The following MUS81 variants were observed in gnomAD, a reference collection of about 807,000 sequenced individuals.
MUS81 encodes the protein structure-specific endonuclease subunit MUS81.
MUS81 carries 69 observed loss-of-function variants against 74.2 expected under a neutral mutation model. The observed-to-expected ratio is 0.93, with a 90% CI of 0.77 to 1.14. MUS81 has a LOEUF of 1.14. Ranked by LOEUF, MUS81 falls within the 50% of genes most tolerant of loss-of-function variation. The pLI, the probability that MUS81 is intolerant of heterozygous loss-of-function variation, is 0.00. For missense variants in MUS81, 711 were observed against 726.5 expected, an observed-to-expected ratio of 0.98 and a Z score of 0.25; for synonymous variants, 303 against 300.6, an observed-to-expected ratio of 1.01 and a Z score of -0.08.
rs777330433 is a variant in MUS81 at position 65,866,024 on chromosome 11, T to C, written c.1628T>C (p.Leu543Pro). 5.0e-6 allele frequency: 8 copies of C among 1,613,860 alleles called. No homozygotes were observed. The South Asian group carries it at 8.8e-5, about 18-fold the overall frequency. Residue 543 changes from leucine to proline, a missense_variant, in exon 16 of 16, where the codon CTC (leucine) becomes CCC (proline). Leu to Pro is a moderately conservative substitution (Grantham distance 98). Transcript: ENST00000308110. ...GPALSRTLSQLYCSYGPLT is the reference protein window; with the variant it reads ...GPALSRTLSQPYCSYGPLT ...GCTCTGAGCAGGACCTTATCCCAGC[T>C]CTACTGCAGCTACGGCCCCTTGACC...
rs760458484 is a variant in MUS81, at chr11:65,860,976, C to G, written c.139C>G (p.Leu47Val). The G allele has an allele frequency of 1.9e-6, 3 of 1,611,918 alleles. No individual in the cohort carries two copies. Among genetic ancestry groups the G allele is most frequent in the Non-Finnish European group, 1.7e-6 (2 of 1,179,592 alleles). ...RRTRFVFQKA[L>V]RSLRRYPLPL... ...TACCCTACCCCTGCCCGGCCAGGCGCTGCGTTCCCTCCGACGGTACCCACT... is the reference window on the plus strand; with the variant it reads ...TACCCTACCCCTGCCCGGCCAGGCGGTGCGTTCCCTCCGACGGTACCCACT... The change falls in exon 2 of 16, where the codon CTG becomes GTG. Residue 47 changes from leucine to valine, a missense_variant. By Grantham distance (32) the Leu-to-Val change is conservative. Transcript: ENST00000308110.
chr11:65,860,263 A>T (rs763127971), upstream of MUS81: 1 of 456,760 alleles, frequency 2.2e-6, no homozygotes, highest in East Asian at 6.9e-5. Context: ...ACCAGTCTCC[A>T]TCTCCAGCCT....
rs202095537 is a variant in MUS81 at position 65,865,104 on chromosome 11, C to T, written c.1360C>T (p.Leu454Phe). The change falls in exon 13 of 16, where the codon CTC (leucine) becomes TTC (phenylalanine). Residue 454 changes from leucine to phenylalanine, a missense_variant. Coordinates refer to ENST00000308110, the MANE Select transcript of MUS81 (RefSeq NM_025128.5). Reference sequence around the variant, plus strand: ...CTCTCCAAACCCTCTCTGCTCACTCCTCACCTTCAGTGACTTCAACGCAGG... The same window carrying T: ...CTCTCCAAACCCTCTCTGCTCACTCTTCACCTTCAGTGACTTCAACGCAGG... The part of the protein sequence containing the change: ...MTSPNPLCSL[L>F]TFSDFNAGAI... 26 of 1,614,216 alleles carry T rather than the reference C, an allele frequency of 1.6e-5. No homozygotes were observed. In the Admixed American group the frequency reaches 2.5e-4, roughly 16 times the overall value.
At chr11:65,865,504 C>T in intron 14 of MUS81, 181 bp downstream of exon 14, 1 of 681,910 alleles carries the variant, frequency 1.5e-6, no homozygotes, top group East Asian at 2.7e-5. Flanking sequence ...CACATAGTGT[C>T]CCAGGTAGTG....
downstream of MUS81, chr11:65,867,550 G>GC (rs1859876020): frequency 2.1e-6 from 1 of 473,892 alleles, no homozygotes; most frequent in African/African-American, 2.0e-5. Context: ...AGATCCACTA[G>GC]CAAGGAGTGG....
chr11:65,861,895 T>A (rs1187450133), intron 3 of MUS81, 52 bp from the exon 4 acceptor site: 5 of 1,463,360 alleles, frequency 3.4e-6, no homozygotes, highest in Non-Finnish European at 4.7e-6. Flanking sequence ...TGGGGACTTA[T>A]TCAAAGATGA....
intron 10 of MUS81, chr11:65,864,249 T>C (rs2134735453): frequency 3.4e-6 from 2 of 588,268 alleles, no homozygotes; most frequent in East Asian, 5.7e-5. Flanking sequence ...ACAGAGGCCA[T>C]GTGCCGGCCC....
rs945655978 is a variant in MUS81 at position 65,865,295 on chromosome 11, C to T, written c.1477C>T (p.Leu493=). 5.6e-6 allele frequency: 9 copies of T among 1,613,974 alleles called. No homozygotes were observed. In the Admixed American group the frequency reaches 6.7e-5, roughly 12 times the overall value. Residue 493 remains leucine (L), a synonymous_variant, in exon 14 of 16, where the codon CTG becomes TTG. Coordinates refer to ENST00000308110, the MANE Select transcript of MUS81 (RefSeq NM_025128.5). ...AGTGAGTGGGGAGAAGGCAGCAGCC[C>T]TGGTGGATCGATACAGCACCCCTGC... The part of the protein sequence containing the change: ...RGVSGEKAAA[L]VDRYSTPASL...
Position 65,863,512 on chromosome 11 carries a change from G to A in MUS81, c.839+10G>A, listed in dbSNP as rs2134732524. On this transcript the variant is annotated intron_variant, in intron 8 of 15. Coordinates refer to ENST00000308110, the MANE Select transcript of MUS81 (RefSeq NM_025128.5). ...TTGGCGAGACCCGGGGGTGAGTGAG[G>A]TGGGGAGAAACGAGGGAGATGATCA... is the stretch of plus-strand genomic sequence containing the variant. 2.5e-6 allele frequency: 4 copies of A among 1,614,178 alleles called. No individual in the cohort carries two copies. The South Asian group carries it at 4.4e-5, about 18-fold the overall frequency.
chr11:65,862,603 T>C (rs756801065), intron 6 of MUS81, 74 bp downstream of exon 6: 3 of 1,300,682 alleles, frequency 2.3e-6, no homozygotes, highest in Non-Finnish European at 2.2e-6. Flanking sequence ...ACCCAACAAC[T>C]CCCAGAGCTG....
chr11:65,861,630 A>G (rs1423915664), intron 3 of MUS81, 195 bp downstream of exon 3: 8 of 609,960 alleles, frequency 1.3e-5, no homozygotes, highest in Admixed American at 1.2e-4. Flanking sequence ...AGAGAATTCC[A>G]TGATCAAGCT....
At position 65,866,161 on chromosome 11, in the gene MUS81, A is replaced by C; in HGVS notation, c.*109A>C. 1 of 1,081,690 alleles carries C rather than the reference A, an allele frequency of 9.2e-7. No homozygotes were observed. The highest frequency in any genetic ancestry group is 1.5e-5 in the South Asian group (1 of 65,094). The allele number at this position is 1,081,690 out of a possible 1,614,324, so 67.0% of individuals were successfully genotyped here. On this transcript the variant is annotated 3_prime_UTR_variant, in exon 16 of 16. Transcript: ENST00000308110. Reference sequence around the variant, plus strand: ...AATTAGAATCTAAGTGTTTGCAGCCATATGTGTCATGTAGAAGATGCCTAG... The same window carrying C: ...AATTAGAATCTAAGTGTTTGCAGCCCTATGTGTCATGTAGAAGATGCCTAG...
At chr11:65,862,631 G>GA (rs1168855334) in intron 6 of MUS81, 102 bp downstream of exon 6, 29 of 1,118,094 alleles carry the variant, frequency 2.6e-5, no homozygotes, top group Middle Eastern at 2.0e-4. Context: ...TGAGATTGGG[G>GA]GGGGTGGGCC....
chr11:65,864,481 C>G lies in MUS81; in HGVS notation c.1060-16C>G, dbSNP rs755127236. 30 of 1,608,608 alleles carry G rather than the reference C, an allele frequency of 1.9e-5. No individual in the cohort carries two copies. The highest frequency in any genetic ancestry group is 2.6e-5 in the Non-Finnish European group (30 of 1,175,062). On this transcript the variant is annotated splice_polypyrimidine_tract_variant and intron_variant, in intron 10 of 15. Coordinates refer to ENST00000308110, the MANE Select transcript of MUS81 (RefSeq NM_025128.5). The stretch of plus-strand genomic sequence containing the variant: ...TCCAGCCTGACCCTCCCTGTCCACT[C>G]TGTACACTTCCCTAGTTCCGGCTGA...
chr11:65,864,699 C>T, intron 11 of MUS81, 21 bp from the exon 12 acceptor site: 1 of 1,613,948 alleles, frequency 6.2e-7, no homozygotes, highest in Non-Finnish European at 8.5e-7. Context: ...CACCTTCCCT[C>T]TCTTGGGTCC....
intron 10 of MUS81, chr11:65,864,255 G>A (rs139312291): frequency 8.5e-5 from 50 of 590,530 alleles, no homozygotes; most frequent in African/African-American, 6.7e-4. Flanking sequence ...GCCATGTGCC[G>A]GCCCAGGGGA....
Position 65,862,191 on chromosome 11 carries a change from C to G in MUS81, c.451-20C>G, listed in dbSNP as rs373424776. Reference sequence around the variant, plus strand: ...GGCCCTGGCACTGAGCCTACCCTGTCTTTTCTACCTTGGTTTCAGAATCCT... The same window carrying G: ...GGCCCTGGCACTGAGCCTACCCTGTGTTTTCTACCTTGGTTTCAGAATCCT... On this transcript the variant is annotated intron_variant, in intron 4 of 15. Coordinates refer to ENST00000308110, the MANE Select transcript of MUS81 (RefSeq NM_025128.5). 8 of 1,612,778 alleles carry G rather than the reference C, an allele frequency of 5.0e-6. No individual in the cohort carries two copies. The East Asian group carries it at 1.6e-4, about 31-fold the overall frequency.
At chr11:65,866,513 T>A, downstream of MUS81, 1 of 702,808 alleles carries the variant, frequency 1.4e-6, no homozygotes, top group Non-Finnish European at 2.6e-6. Flanking sequence ...AATGTACAGT[T>A]TGAGGCAGAG....
At chr11:65,860,935 G>A in intron 1 of MUS81, 38 bp from the exon 2 acceptor site, 1 of 1,609,164 alleles carries the variant, frequency 6.2e-7, no homozygotes, top group Non-Finnish European at 8.5e-7. Flanking sequence ...GCCAGGTCAG[G>A]CCTGCCCTGA....
Sources: allele counts gnomAD v4.1 joint callset, GRCh38; gene constraint gnomAD v4.1.1; transcripts MANE v1.5; gene names NCBI Gene and HGNC (gene_info 2026-07-23, HGNC 2026-07-21).